The following UTS2 variants were observed in gnomAD, a reference collection of about 807,000 sequenced individuals.
UTS2 encodes the protein urotensin 2, also known as urotensin-2.
In UTS2, 10 loss-of-function variants were observed where a neutral mutation model predicts 12.6. The observed-to-expected ratio is 0.80, with a 90% CI of 0.49 to 1.35. The LOEUF (loss-of-function observed/expected upper bound fraction) is 1.35. Ranked by LOEUF, UTS2 falls within the 40% of genes most tolerant of loss-of-function variation. The pLI is 0.00. For synonymous variants in UTS2, 52 were observed against 50.0 expected (o/e 1.04, Z -0.17); for missense variants, 142 against 143.2 (o/e 0.99, Z 0.04).
chr1:7,879,845 G>A, the UTS2 span, among the ~76,000 whole-genome samples: 1 of 152,064 alleles, frequency 6.6e-6, no homozygotes, highest in Non-Finnish European at 1.5e-5. Context: ...GAAGTTTATA[G>A]CAATAAATGC....
chr1:7,891,547 A>AGAAG, the UTS2 span, among the ~76,000 whole-genome samples: 8 of 144,104 alleles, frequency 5.6e-5, no homozygotes, highest in Admixed American at 5.6e-4. Flanking sequence ...AAAGAAAGAA[A>AGAAG]GAAAGAAAGA....
chr1:7,909,837 G>A, the UTS2 span, among the ~76,000 whole-genome samples: 3 of 151,932 alleles, frequency 2.0e-5, no homozygotes, highest in Non-Finnish European at 4.4e-5. Context: ...GGCCAGGCTG[G>A]TCTCAAACTC....
chr1:7,859,515 G>A, the UTS2 span, among the ~76,000 whole-genome samples: 1 of 152,086 alleles, frequency 6.6e-6, no homozygotes, highest in East Asian at 1.9e-4. Flanking sequence ...AGAGGGCCTC[G>A]AAGCTATCTG....
At chr1:7,863,016 T>G in the UTS2 span, among the ~76,000 whole-genome samples, 4 of 22,428 alleles carry the variant, frequency 1.8e-4, no homozygotes, top group African/African-American at 4.3e-4. Context: ...TTGTATTGTA[T>G]TGTATTGTAT....
At chr1:7,905,498 CTG>C in the UTS2 span, among the ~76,000 whole-genome samples, 3 of 147,940 alleles carry the variant, frequency 2.0e-5, no homozygotes, top group East Asian at 6.8e-4. Flanking sequence ...GCCATTAAAA[CTG>C]TGGCAAAAAC....
rs775887183 is a variant in UTS2, at chr1:7,849,621, C to T, written c.258+19G>A. The T allele has an allele frequency of 5.0e-6, 8 of 1,600,800 alleles. No individual in the cohort carries two copies. The Admixed American group carries it at 1.4e-4, about 28-fold the overall frequency. On this transcript the variant is annotated intron_variant, in intron 3 of 3. Transcript: ENST00000361696. The stretch of plus-strand genomic sequence containing the variant: ...AATGTTCACCTTTTTAAACCTAACT[C>T]ATAAATAGAGTCACTTACCTTTCTC...
chr1:7,850,068 C>G (rs1444327019), intron 2 of UTS2, among the ~76,000 whole-genome samples: 1 of 150,632 alleles, frequency 6.6e-6, no homozygotes, highest in African/African-American at 2.4e-5. Context: ...CTCCTGGGTT[C>G]AAGCAATTCT....
At chr1:7,855,963 C>T (rs905532307), upstream of UTS2, among the ~76,000 whole-genome samples, 1 of 151,736 alleles carries the variant, frequency 6.6e-6, no homozygotes, top group African/African-American at 2.4e-5. Context: ...GCCTTCCAAC[C>T]CTCTGGGATT....
At chr1:7,907,188 G>A in the UTS2 span, among the ~76,000 whole-genome samples, 1 of 152,052 alleles carries the variant, frequency 6.6e-6, no homozygotes, top group Non-Finnish European at 1.5e-5. Context: ...CCTGGGAGGT[G>A]GAGACTGCAA....
intron 2 of UTS2, among the ~76,000 whole-genome samples, chr1:7,850,319 TGGGGGAATGTGGCCAC>T (rs1007301907): frequency 2.1e-4 from 32 of 152,008 alleles, no homozygotes; most frequent in African/African-American, 7.5e-4. Flanking sequence ...TGTCAATGCT[TGGGGGAATGTGGCCAC>T]GGGGGAATAA....
At chr1:7,863,963 C>CG in the UTS2 span, among the ~76,000 whole-genome samples, 2 of 151,988 alleles carry the variant, frequency 1.3e-5, no homozygotes, top group African/African-American at 2.4e-5. Context: ...CCTCATCCCC[C>CG]GGGGGGGTCT....
At chr1:7,874,795 G>A in the UTS2 span, among the ~76,000 whole-genome samples, 1 of 152,326 alleles carries the variant, frequency 6.6e-6, no homozygotes, top group Non-Finnish European at 1.5e-5. Flanking sequence ...GAGGTCATTG[G>A]ATTACAGGGG....
chr1:7,897,898 TC>T, the UTS2 span, among the ~76,000 whole-genome samples: 4 of 152,184 alleles, frequency 2.6e-5, no homozygotes, highest in Admixed American at 2.6e-4. Context: ...TGTTTCATAA[TC>T]TTTATATATG....
At chr1:7,867,346 T>C in the UTS2 span, among the ~76,000 whole-genome samples, 1 of 152,184 alleles carries the variant, frequency 6.6e-6, no homozygotes, top group Non-Finnish European at 1.5e-5. Flanking sequence ...TGACTGTATT[T>C]GGAGAGAGGG....
chr1:7,872,326 GAAAA>G, the UTS2 span, among the ~76,000 whole-genome samples: 125 of 97,782 alleles, frequency 1.3e-3, no homozygotes, highest in Admixed American at 4.1e-3. Context: ...AAAAGGAAAA[GAAAA>G]AAAAAGAAAA....
chr1:7,897,363 TG>T, the UTS2 span, among the ~76,000 whole-genome samples: 2 of 152,190 alleles, frequency 1.3e-5, no homozygotes, highest in African/African-American at 4.8e-5. Flanking sequence ...TAGGAATGAC[TG>T]GGCTATTCTT....
the UTS2 span, among the ~76,000 whole-genome samples, chr1:7,876,871 C>T: frequency 3.9e-5 from 6 of 152,052 alleles, no homozygotes; most frequent in African/African-American, 1.4e-4. Flanking sequence ...GTGGCTCACA[C>T]CTGTAATCCC....
At chr1:7,890,972 C>CCCCT in the UTS2 span, among the ~76,000 whole-genome samples, 1 of 151,198 alleles carries the variant, frequency 6.6e-6, no homozygotes, top group African/African-American at 2.4e-5. Context: ...CCTCCACCCC[C>CCCCT]CCCCACAAAA....
chr1:7,866,250 C>T, the UTS2 span, among the ~76,000 whole-genome samples: 4 of 152,182 alleles, frequency 2.6e-5, no homozygotes, highest in East Asian at 1.9e-4. The surrounding 1 kb of genome is among the most constrained non-coding windows in gnomAD (Gnocchi z 4.5). Context: ...TGGGCCTCCT[C>T]GCAGCTGAAA....
Sources: allele counts gnomAD v4.1 joint callset (sites outside exome capture counted in the v4.1 genomes callset), GRCh38; gene constraint gnomAD v4.1.1; non-coding constraint Gnocchi (gnomAD v3.1); transcripts MANE v1.5; gene names NCBI Gene and HGNC (gene_info 2026-07-23, HGNC 2026-07-21).